Variants in SMOC1 observed in about 807,000 individuals in gnomAD.
SMOC1 encodes the protein SPARC-related modular calcium-binding protein 1.
SMOC1 carries 22 observed loss-of-function variants against 56.3 expected under a neutral mutation model. The observed-to-expected ratio is 0.39, with a 90% CI of 0.28 to 0.56. The LOEUF is 0.56. SMOC1 is among the 20% of genes least tolerant of loss of function. The pLI is 0.61. For missense variants in SMOC1, 509 were observed against 565.4 expected (o/e 0.90, Z 1.01); for synonymous variants, 193 against 215.0 (o/e 0.90, Z 0.89).
intron 1 of SMOC1, among the ~76,000 whole-genome samples, chr14:69,915,599 C>G (rs1015760598): frequency 1.3e-5 from 2 of 152,196 alleles, no homozygotes; most frequent in African/African-American, 2.4e-5. Flanking sequence ...TCCCTGATCC[C>G]TTGTCTCTGT....
chr14:70,029,650 A>C (rs1165510945), intron 11 of SMOC1, among the ~76,000 whole-genome samples: 1 of 152,204 alleles, frequency 6.6e-6, no homozygotes, highest in African/African-American at 2.4e-5. Context: ...ACTCAATGTC[A>C]CATGTTCCTG....
chr14:69,951,267 A>G (rs900209756), intron 1 of SMOC1, among the ~76,000 whole-genome samples: 10 of 152,216 alleles, frequency 6.6e-5, no homozygotes, highest in African/African-American at 2.4e-4. Flanking sequence ...CCACTCCCAT[A>G]GTATTTTCTT....
chr14:69,922,572 T>G (rs227432), intron 1 of SMOC1, among the ~76,000 whole-genome samples: 1 of 152,090 alleles, frequency 6.6e-6, no homozygotes, highest in Middle Eastern at 3.4e-3. Context: ...TTGGCATCAC[T>G]TAGAAATGCA....
At chr14:70,003,507 A>G (rs1358268371) in intron 7 of SMOC1, among the ~76,000 whole-genome samples, 1 of 152,166 alleles carries the variant, frequency 6.6e-6, no homozygotes, top group Non-Finnish European at 1.5e-5. Flanking sequence ...GAAGTGTCAG[A>G]CTAGAATTCT....
chr14:70,018,575 T>G (rs958820717), intron 10 of SMOC1, among the ~76,000 whole-genome samples: 5 of 152,194 alleles, frequency 3.3e-5, no homozygotes, highest in African/African-American at 1.2e-4. Flanking sequence ...CAGGAGGCAG[T>G]GTTCCCCCTT....
At chr14:70,022,976 A>C (rs895766337) in intron 10 of SMOC1, among the ~76,000 whole-genome samples, 28 of 152,338 alleles carry the variant, frequency 1.8e-4, no homozygotes, top group African/African-American at 6.5e-4. Flanking sequence ...TGTTTGTGTA[A>C]TAAGGATTAC....
At chr14:69,959,720 G>A (rs1265027922) in intron 3 of SMOC1, among the ~76,000 whole-genome samples, 1 of 152,022 alleles carries the variant, frequency 6.6e-6, no homozygotes, top group Non-Finnish European at 1.5e-5. Flanking sequence ...CTATATGCAT[G>A]GATCTCTTGC....
intron 1 of SMOC1, among the ~76,000 whole-genome samples, chr14:69,907,588 C>T (rs188998851): frequency 6.6e-6 from 1 of 152,266 alleles, no homozygotes; most frequent in African/African-American, 2.4e-5. Flanking sequence ...TATTTTAGCT[C>T]TAAGGGTAAT....
At chr14:70,022,527 A>G (rs553106308) in intron 10 of SMOC1, among the ~76,000 whole-genome samples, 6 of 152,340 alleles carry the variant, frequency 3.9e-5, no homozygotes, top group African/African-American at 1.2e-4. Context: ...CATCCCCAGT[A>G]GGTCCCGGCT....
intron 5 of SMOC1, among the ~76,000 whole-genome samples, chr14:69,985,009 T>G (rs1884315966): frequency 6.7e-6 from 1 of 150,262 alleles, no homozygotes; most frequent in African/African-American, 2.5e-5. Context: ...ACTCCAGCCT[T>G]GGTGATGGAG....
In SMOC1 at chr14:69,994,424, T is replaced by G. The variant is rs1347556165; in HGVS notation, c.608T>G (p.Ile203Ser). 6.2e-7 allele frequency: 1 copy of G among 1,614,058 alleles called. No homozygotes were observed. Among genetic ancestry groups the G allele is most frequent in the Non-Finnish European group, 8.5e-7 (1 of 1,179,946 alleles). The change falls in exon 7 of 12, where the codon ATT becomes AGT. Residue 203 changes from isoleucine to serine, a missense_variant. Physicochemically the swap from Ile to Ser is moderately radical, Grantham distance 142. Transcript: ENST00000361956. Reference protein sequence around the residue: ...GDEITAPTLWIKHLVIKDSKL... With the variant: ...GDEITAPTLWSKHLVIKDSKL... The stretch of plus-strand genomic sequence containing the variant: ...GAAATCACAGCCCCAACTCTATGGA[T>G]TAAACACTTGGTGATCAAGGACTCC...
chr14:70,016,963 T>C (rs963186866), intron 10 of SMOC1, among the ~76,000 whole-genome samples: 2 of 152,246 alleles, frequency 1.3e-5, no homozygotes, highest in Non-Finnish European at 2.9e-5. Context: ...CTTGTTGATA[T>C]ATTATCTGTC....
intron 1 of SMOC1, among the ~76,000 whole-genome samples, chr14:69,937,892 A>G (rs1174569111): frequency 2.0e-5 from 3 of 152,312 alleles, no homozygotes; most frequent in South Asian, 4.1e-4. Flanking sequence ...CGAGTTAAAC[A>G]CACACAGCCC....
intron 1 of SMOC1, among the ~76,000 whole-genome samples, chr14:69,902,665 G>A (rs577570569): frequency 6.6e-6 from 1 of 152,146 alleles, no homozygotes; most frequent in Non-Finnish European, 1.5e-5. Context: ...CTCTGATGCC[G>A]AGCCGAAGCT....
At chr14:69,950,554 G>A (rs1426555072) in intron 1 of SMOC1, among the ~76,000 whole-genome samples, 1 of 152,170 alleles carries the variant, frequency 6.6e-6, no homozygotes, top group Admixed American at 6.5e-5. Flanking sequence ...GGCCTGATTT[G>A]TGCTCATGAC....
At chr14:69,980,987 A>C (rs1884159733) in intron 5 of SMOC1, among the ~76,000 whole-genome samples, 1 of 152,232 alleles carries the variant, frequency 6.6e-6, no homozygotes, top group African/African-American at 2.4e-5. Flanking sequence ...GCTGGAAGGA[A>C]TGAAAAGATG....
chr14:69,931,256 G>A (rs142579711), intron 1 of SMOC1, among the ~76,000 whole-genome samples: 14 of 152,336 alleles, frequency 9.2e-5, no homozygotes, highest in African/African-American at 3.1e-4. Flanking sequence ...TGCCTGACAT[G>A]CCTTTCCTCG....
At chr14:70,020,352 G>A (rs1885665713) in intron 10 of SMOC1, among the ~76,000 whole-genome samples, 1 of 152,150 alleles carries the variant, frequency 6.6e-6, no homozygotes, top group African/African-American at 2.4e-5. Flanking sequence ...GTTTGGCCTG[G>A]CCAAAGTGTT....
intron 10 of SMOC1, among the ~76,000 whole-genome samples, chr14:70,014,203 C>A (rs961144667): frequency 3.3e-5 from 5 of 152,116 alleles, no homozygotes; most frequent in Non-Finnish European, 7.4e-5. Flanking sequence ...GAGGCATGTC[C>A]CACCTTCAAA....
Sources: gnomAD v4.1 joint callset for allele counts (sites outside exome capture counted in the v4.1 genomes callset) on GRCh38, gnomAD v4.1.1 for gene constraint, MANE v1.5 for transcripts, NCBI Gene and HGNC (gene_info 2026-07-23, HGNC 2026-07-21) for gene names.